The following TRPM5 variants were observed in gnomAD, a reference collection of about 807,000 sequenced individuals.
TRPM5 encodes the protein transient receptor potential cation channel subfamily M member 5.
TRPM5 carries 121 observed loss-of-function variants against 124.9 expected under a neutral mutation model. The observed-to-expected ratio is 0.97, with a 90% CI of 0.84 to 1.13. The LOEUF (loss-of-function observed/expected upper bound fraction) is 1.13, where lower values mean the gene tolerates loss of function less well. Ranked by LOEUF, TRPM5 falls within the 50% of genes most tolerant of loss-of-function variation. The pLI, the probability that TRPM5 is intolerant of heterozygous loss-of-function variation, is 0.00. For missense variants in TRPM5, 1,643 were observed against 1,589.1 expected, an observed-to-expected ratio of 1.03 and a Z score of -0.58; for synonymous variants, 781 against 700.5, an observed-to-expected ratio of 1.11 and a Z score of -1.81.
At chr11:2,418,486 C>T (rs1191546087) in intron 5 of TRPM5, 41 bp downstream of exon 10, 3 of 1,590,486 alleles carry the variant, frequency 1.9e-6, no homozygotes, top group Non-Finnish European at 2.6e-6. Flanking sequence ...CACCCCTCCA[C>T]AAGGCTTCGG....
chr11:2,433,948 G>A, the TRPM5 span, among the ~76,000 whole-genome samples: 1 of 152,156 alleles, frequency 6.6e-6, no homozygotes, highest in Non-Finnish European at 1.5e-5. Flanking sequence ...CAGTGTGTGA[G>A]TGTATATGTG....
intron 7 of TRPM5, 21 bp downstream of exon 12, chr11:2,417,706 G>GGGCCCCCCCCC: frequency 9.2e-7 from 1 of 1,087,304 alleles, no homozygotes; most frequent in Non-Finnish European, 1.4e-6. Context: ...CGCCTGCCTT[G>GGGCCCCCCCCC]CCCACCCTGC....
rs1307511258 is a variant in TRPM5, at chr11:2,418,338, C to T, written c.735G>A (p.Glu245=). Residue 245 remains glutamate (E), a synonymous_variant, in exon 6 of 24, where the codon GAG becomes GAA. Coordinates refer to ENST00000155858, the Ensembl canonical transcript of TRPM5. ...CCAGGATCAGCCACGGGGCAGCCTGCTCCACGGCCCTGGAGATCCTCTGAG... is the reference window on the plus strand; with the variant it reads ...CCAGGATCAGCCACGGGGCAGCCTGTTCCACGGCCCTGGAGATCCTCTGAG... 4.5e-6 allele frequency: 7 copies of T among 1,558,618 alleles called. No homozygotes were observed. In the African/African-American group the frequency reaches 9.5e-5, roughly 21 times the overall value.
intron 4 of TRPM5, among the ~76,000 whole-genome samples, chr11:2,418,937 A>G (rs1047786697): frequency 1.3e-5 from 2 of 152,198 alleles, no homozygotes; most frequent in African/African-American, 4.8e-5. Flanking sequence ...CAGCATCTCG[A>G]CCATCGAGGG....
the TRPM5 span, among the ~76,000 whole-genome samples, chr11:2,435,520 C>T: frequency 7.9e-5 from 12 of 152,114 alleles, no homozygotes; most frequent in East Asian, 3.9e-4. This position sits in a 1 kb window ranked among gnomAD's most constrained non-coding sequence, Gnocchi z 4.1. Context: ...TCTGTCCATT[C>T]GTCTGTCCAT....
intron 6 of TRPM5, 44 bp downstream of exon 11, chr11:2,418,123 C>G (rs964586438): frequency 6.7e-7 from 1 of 1,486,034 alleles, no homozygotes. Context: ...CAGCCCCACC[C>G]CCGGAGGAGG....
chr11:2,411,567 G>A (rs1288861897), intron 17 of TRPM5, 41 bp from the exon 23 acceptor site: 3 of 1,608,124 alleles, frequency 1.9e-6, no homozygotes, highest in Non-Finnish European at 1.7e-6. Flanking sequence ...TCAGCGGCCA[G>A]CCGGGTGGGG....
intron 23 of TRPM5, 105 bp downstream of exon 28, chr11:2,405,422 G>T: frequency 8.2e-7 from 1 of 1,224,988 alleles, no homozygotes; most frequent in Non-Finnish European, 1.1e-6. Context: ...AGACTCCCGG[G>T]CCAGGCAGGG....
the TRPM5 span, among the ~76,000 whole-genome samples, chr11:2,433,568 C>A: frequency 1.3e-5 from 2 of 152,126 alleles, no homozygotes; most frequent in Non-Finnish European, 2.9e-5. Context: ...GTCAAGGCTG[C>A]AGTAGGACTT....
intron 12 of TRPM5, 107 bp from the exon 18 acceptor site, chr11:2,413,695 G>T (rs953347490): frequency 5.6e-6 from 6 of 1,070,106 alleles, no homozygotes; most frequent in Non-Finnish European, 8.3e-6. Context: ...TGAGCTGAAG[G>T]GGTGCCCAGC....
intron 7 of TRPM5, 92 bp from the exon 13 acceptor site, chr11:2,416,116 A>G: frequency 1.1e-6 from 1 of 878,838 alleles, no homozygotes; most frequent in Non-Finnish European, 1.8e-6. Flanking sequence ...CTGCCTAGAG[A>G]CGCGGAAACG....
rs781163168 is a variant in TRPM5 at position 2,405,537 on chromosome 11, G to A, written c.3381C>T (p.Gly1127=). ...CCCAAACAGGCTTACTCCGGGGGCC[G>A]CCACCCTGGGCCAGCACGTCAGCCA... Residue 1127 remains glycine (G), a synonymous_variant, in exon 23 of 24, where the codon GGC becomes GGT. Transcript: ENST00000155858. The A allele has an allele frequency of 3.1e-5, 48 of 1,560,994 alleles. 1 individual carries two copies. Among genetic ancestry groups the A allele is most frequent in the South Asian group, 1.8e-4 (15 of 84,712 alleles).
At chr11:2,404,777 C>T (rs1850278832) in exon 24 of TRPM5, 2 of 602,380 alleles carry the variant, frequency 3.3e-6, no homozygotes, top group Non-Finnish European at 5.9e-6. Context: ...GGAGCGGTTC[C>T]TTTGGGTGAG....
chr11:2,406,009 G>A lies in TRPM5; in HGVS notation c.3324+10C>T, dbSNP rs1589864526. ...TCCCATCAGGGAGAGGAGCTCTGGGGCTCGCTTGCCTGTGACTCCAGACAC... is the reference window on the plus strand; with the variant it reads ...TCCCATCAGGGAGAGGAGCTCTGGGACTCGCTTGCCTGTGACTCCAGACAC... On this transcript the variant is annotated intron_variant, in intron 22 of 23. Coordinates refer to ENST00000155858, the Ensembl canonical transcript of TRPM5. 2 of 1,609,532 alleles carry A rather than the reference G, an allele frequency of 1.2e-6. No individual in the cohort carries two copies. Among genetic ancestry groups the A allele is most frequent in the South Asian group, 2.2e-5 (2 of 91,062 alleles).
the TRPM5 span, among the ~76,000 whole-genome samples, chr11:2,429,003 G>A: frequency 6.6e-6 from 1 of 151,652 alleles, no homozygotes; most frequent in Non-Finnish European, 1.5e-5. The surrounding 1 kb of genome is among the most constrained non-coding windows in gnomAD (Gnocchi z 8.4). Context: ...TGGAGGGGAT[G>A]GTGGTGGTGA....
Position 2,418,419 on chromosome 11 carries a change from G to A in TRPM5, c.715-61C>T, listed in dbSNP as rs755290213. On this transcript the variant is annotated intron_variant, in intron 5 of 23. Transcript: ENST00000155858. ...TTAGCCCGACGACATCTGGATGCAGGTGTCAGGGGTGCCCCCATCCCTTCA... is the reference window on the plus strand; with the variant it reads ...TTAGCCCGACGACATCTGGATGCAGATGTCAGGGGTGCCCCCATCCCTTCA... 3 of 1,510,132 alleles carry A rather than the reference G, an allele frequency of 2.0e-6. No homozygotes were observed. In the African/African-American group the frequency reaches 4.7e-5, roughly 24 times the overall value. The allele number at this position is 1,510,132 out of a possible 1,614,324, so 93.5% of individuals were successfully genotyped here.
exon 8 of TRPM5, chr11:2,415,968 C>T (rs577382512): frequency 8.2e-6 from 13 of 1,582,270 alleles, no homozygotes; most frequent in Non-Finnish European, 9.4e-6. Flanking sequence ...TCCCAGGCCA[C>T]GGCCAGCTTG....
At chr11:2,405,083 C>T in intron 23 of TRPM5, 40 bp from the exon 29 acceptor site, 1 of 1,562,786 alleles carries the variant, frequency 6.4e-7, no homozygotes. Flanking sequence ...TGGGAACCAG[C>T]AAGGCAGGCC....
chr11:2,410,209 A>G (rs2133506584), intron 18 of TRPM5, among the ~76,000 whole-genome samples: 1 of 152,360 alleles, frequency 6.6e-6, no homozygotes, highest in East Asian at 1.9e-4. Context: ...AAAACAGCCC[A>G]AGGAAATGAG....
Sources: gnomAD v4.1 joint callset for allele counts (sites outside exome capture counted in the v4.1 genomes callset) on GRCh38, gnomAD v4.1.1 for gene constraint, Gnocchi (gnomAD v3.1) non-coding constraint, MANE v1.5 for transcripts, NCBI Gene and HGNC (gene_info 2026-07-23, HGNC 2026-07-21) for gene names.